The following NKAIN2 variants were observed in gnomAD, a reference collection of about 807,000 sequenced individuals.
NKAIN2 encodes the protein sodium/potassium-transporting ATPase subunit beta-1-interacting protein 2.
A neutral mutation model predicts 32.6 loss-of-function variants in NKAIN2; 14 were observed. The observed-to-expected ratio is 0.43, with a 90% CI of 0.28 to 0.67. The LOEUF is 0.67. NKAIN2 is among the 30% of genes least tolerant of loss of function. The probability of loss-of-function intolerance (pLI) is 0.17; values close to 1 mark genes in which losing one functional copy is unlikely to be tolerated. For missense variants in NKAIN2, 198 were observed against 258.3 expected (o/e 0.77, Z 1.60); for synonymous variants, 80 against 87.2 (o/e 0.92, Z 0.46).
intron 4 of NKAIN2, among the ~76,000 whole-genome samples, chr6:124,773,783 T>A (rs1375475061): frequency 6.6e-6 from 1 of 152,118 alleles, no homozygotes; most frequent in Non-Finnish European, 1.5e-5. Context: ...GTAGTGTGAG[T>A]GCCAAGAAAG....
chr6:124,512,940 A>G (rs1039594466), intron 3 of NKAIN2, among the ~76,000 whole-genome samples: 1 of 152,180 alleles, frequency 6.6e-6, no homozygotes, highest in South Asian at 2.1e-4. Context: ...TATAAAATCC[A>G]AAATAGAAAG....
At chr6:124,661,858 ATAT>A (rs1319286911) in intron 4 of NKAIN2, among the ~76,000 whole-genome samples, 1 of 151,588 alleles carries the variant, frequency 6.6e-6, no homozygotes, top group African/African-American at 2.4e-5. Context: ...AATTGGGGAG[ATAT>A]TATTGTTCAC....
chr6:124,522,918 C>A (rs1421922512), intron 3 of NKAIN2, among the ~76,000 whole-genome samples: 2 of 151,230 alleles, frequency 1.3e-5, no homozygotes, highest in Non-Finnish European at 2.9e-5. Flanking sequence ...CCGAGGCGGG[C>A]GGATCACGAG....
chr6:123,847,821 A>G (rs1034923601), intron 1 of NKAIN2, among the ~76,000 whole-genome samples: 4 of 152,148 alleles, frequency 2.6e-5, no homozygotes, highest in African/African-American at 9.7e-5. Flanking sequence ...TACCTAAAAA[A>G]TCTTAAAAAA....
intron 1 of NKAIN2, among the ~76,000 whole-genome samples, chr6:124,228,495 A>G (rs1020882722): frequency 6.6e-6 from 1 of 152,126 alleles, no homozygotes; most frequent in Admixed American, 6.6e-5. Context: ...TGACTTTAAC[A>G]TCTCTCCAAA....
chr6:124,102,499 C>T (rs1435530269), intron 1 of NKAIN2, among the ~76,000 whole-genome samples: 2 of 152,096 alleles, frequency 1.3e-5, no homozygotes, highest in African/African-American at 4.8e-5. Flanking sequence ...CTGAGTAAGT[C>T]GTTCGATGCC....
At chr6:124,067,389 C>A (rs1005818560) in intron 1 of NKAIN2, among the ~76,000 whole-genome samples, 1 of 152,122 alleles carries the variant, frequency 6.6e-6, no homozygotes, top group African/African-American at 2.4e-5. Context: ...TTTCACTCCA[C>A]AGTATTTCCT....
chr6:124,436,405 C>A (rs1278956469), intron 3 of NKAIN2, among the ~76,000 whole-genome samples: 1 of 152,086 alleles, frequency 6.6e-6, no homozygotes, highest in East Asian at 1.9e-4. Flanking sequence ...TCTATCATTA[C>A]AATATCATAA....
chr6:124,136,136 T>C (rs1334503232), intron 1 of NKAIN2, among the ~76,000 whole-genome samples: 1 of 152,034 alleles, frequency 6.6e-6, no homozygotes, highest in Non-Finnish European at 1.5e-5. Context: ...ATTAGCAAGA[T>C]TTACCAAGAA....
chr6:124,285,277 A>C (rs1795486046), intron 2 of NKAIN2, among the ~76,000 whole-genome samples: 1 of 152,094 alleles, frequency 6.6e-6, no homozygotes, highest in Non-Finnish European at 1.5e-5. Flanking sequence ...TATATCCTCT[A>C]AATTCTGCTT....
chr6:124,573,773 T>C (rs1781224321), intron 3 of NKAIN2, among the ~76,000 whole-genome samples: 1 of 152,182 alleles, frequency 6.6e-6, no homozygotes, highest in Non-Finnish European at 1.5e-5. Flanking sequence ...ACTAGTGATA[T>C]ATAGAAGATG....
chr6:124,358,237 C>T (rs1402299758), intron 3 of NKAIN2, among the ~76,000 whole-genome samples: 4 of 152,090 alleles, frequency 2.6e-5, no homozygotes, highest in Admixed American at 6.5e-5. Context: ...AATAAACATA[C>T]GTGTGCATGT....
intron 1 of NKAIN2, among the ~76,000 whole-genome samples, chr6:124,022,202 T>C (rs1404442432): frequency 6.6e-6 from 1 of 152,146 alleles, no homozygotes; most frequent in Non-Finnish European, 1.5e-5. Flanking sequence ...GCTTCATCCA[T>C]GTCCCTACAA....
chr6:124,734,947 G>A (rs1776864537), intron 4 of NKAIN2, among the ~76,000 whole-genome samples: 1 of 151,838 alleles, frequency 6.6e-6, no homozygotes. Flanking sequence ...TATCTGCAAA[G>A]TTTCCTTCAT....
chr6:124,084,507 A>C (rs895016228), intron 1 of NKAIN2, among the ~76,000 whole-genome samples: 2 of 151,944 alleles, frequency 1.3e-5, no homozygotes, highest in African/African-American at 4.8e-5. Context: ...TCACCTAACC[A>C]TGTATTTCTC....
At chr6:124,462,760 G>A (rs540983816) in intron 3 of NKAIN2, among the ~76,000 whole-genome samples, 36 of 151,816 alleles carry the variant, frequency 2.4e-4, no homozygotes, top group Admixed American at 4.6e-4. Flanking sequence ...TTCCTACAAC[G>A]TTTTTATATG....
chr6:124,450,862 C>T (rs1776077492), intron 3 of NKAIN2, among the ~76,000 whole-genome samples: 1 of 151,924 alleles, frequency 6.6e-6, no homozygotes, highest in African/African-American at 2.4e-5. Context: ...AATTTGAACT[C>T]CACTATTTTC....
chr6:124,581,005 G>C (rs1475453859), intron 3 of NKAIN2, among the ~76,000 whole-genome samples: 2 of 152,150 alleles, frequency 1.3e-5, no homozygotes, highest in African/African-American at 4.8e-5. Flanking sequence ...AAATATATAT[G>C]CACACAACAC....
At chr6:124,582,646 T>C (rs1358840961) in intron 3 of NKAIN2, among the ~76,000 whole-genome samples, 1 of 151,888 alleles carries the variant, frequency 6.6e-6, no homozygotes, top group East Asian at 1.9e-4. Context: ...AAATCAGACA[T>C]GGGCACATTA....
Sources: allele counts gnomAD v4.1 joint callset (sites outside exome capture counted in the v4.1 genomes callset), GRCh38; gene constraint gnomAD v4.1.1; transcripts MANE v1.5; gene names NCBI Gene and HGNC (gene_info 2026-07-23, HGNC 2026-07-21).